BCAS3: variants seen among roughly 807,000 people sequenced by gnomAD.
The protein encoded by BCAS3 is BCAS4/BCAS3 fusion.
In BCAS3, 53 loss-of-function variants were observed where a neutral mutation model predicts 116.1. The observed-to-expected ratio is 0.46, with a 90% confidence interval of 0.37 to 0.57. The LOEUF (loss-of-function observed/expected upper bound fraction) is 0.57. Ranked by LOEUF, BCAS3 falls within the 20% of genes least tolerant of loss-of-function variation. The probability of loss-of-function intolerance (pLI) is 0.00; values close to 1 mark genes in which losing one functional copy is unlikely to be tolerated. For synonymous variants in BCAS3, 391 were observed against 408.2 expected (o/e 0.96, Z 0.51); for missense variants, 917 against 1,165.4 (o/e 0.79, Z 3.10).
chr17:60,949,747 A>G (rs978074399), intron 14 of BCAS3, among the ~76,000 whole-genome samples: 9 of 152,250 alleles, frequency 5.9e-5, no homozygotes, highest in African/African-American at 1.9e-4. Context: ...GAAATATACA[A>G]TAAATTATTG....
At chr17:60,765,296 T>C (rs1043244400) in intron 6 of BCAS3, among the ~76,000 whole-genome samples, 1 of 152,236 alleles carries the variant, frequency 6.6e-6, no homozygotes, top group African/African-American at 2.4e-5. Context: ...TGGCAGTCTT[T>C]ACAATTTGGC....
At chr17:61,121,744 T>C (rs890129929) in intron 22 of BCAS3, among the ~76,000 whole-genome samples, 1 of 152,250 alleles carries the variant, frequency 6.6e-6, no homozygotes, top group African/African-American at 2.4e-5. Context: ...TATGTGTGTG[T>C]GTGTGAGACG....
At chr17:61,329,488 C>G (rs1319844556) in intron 22 of BCAS3, among the ~76,000 whole-genome samples, 4 of 151,992 alleles carry the variant, frequency 2.6e-5, no homozygotes, top group Middle Eastern at 3.4e-3. Flanking sequence ...CTACAGGCGC[C>G]CGCCACCACG....
chr17:61,280,090 A>C (rs1418493568), intron 22 of BCAS3, among the ~76,000 whole-genome samples: 1 of 152,060 alleles, frequency 6.6e-6, no homozygotes, highest in Non-Finnish European at 1.5e-5. Context: ...AGTTTAAGGG[A>C]CCTCAGAACT....
rs75905389 is a variant in BCAS3 at position 61,331,995 on chromosome 17, G to A, written c.2426-36332G>A. Among the ~76,000 whole-genome samples the A allele has an allele frequency of 9.7e-4, 148 of 152,200 alleles. 1 individual carries two copies. In the East Asian group the frequency reaches 0.028, roughly 28 times the overall value. The stretch of plus-strand genomic sequence containing the variant: ...CTTTTTCCCTGTTTCATCCTGTGCT[G>A]GTCTGTCTCTTTTGCATGTTTGGGC... On this transcript the variant is annotated intron_variant, in intron 22 of 23. Coordinates refer to ENST00000407086, the MANE Select transcript of BCAS3 (RefSeq NM_017679.5).
chr17:60,812,527 A>G (rs1193271928), intron 7 of BCAS3, among the ~76,000 whole-genome samples: 2 of 152,170 alleles, frequency 1.3e-5, no homozygotes, highest in South Asian at 2.1e-4. Flanking sequence ...TTTTGTAACA[A>G]TATCTGTTTG....
Position 61,026,003 on chromosome 17 carries a change from G to T in BCAS3, c.1638-8663G>T, listed in dbSNP as rs991886921. On this transcript the variant is annotated intron_variant, in intron 16 of 23. Coordinates refer to ENST00000407086, the MANE Select transcript of BCAS3 (RefSeq NM_017679.5). The surrounding 1 kb of genome is among the most constrained non-coding windows in gnomAD (Gnocchi z 5.0). Reference sequence around the variant, plus strand: ...ACCAATGTGCTTTTCTCCTCCATTTGTTATGATTTCCAAATGTCAGATGTT... The same window carrying T: ...ACCAATGTGCTTTTCTCCTCCATTTTTTATGATTTCCAAATGTCAGATGTT... Among the ~76,000 whole-genome samples, 3 of 151,920 alleles carry T rather than the reference G, an allele frequency of 2.0e-5. No homozygotes were observed. Among genetic ancestry groups the T allele is most frequent in the African/African-American group, 7.3e-5 (3 of 41,334 alleles).
chr17:60,737,137 G>A lies in BCAS3; in HGVS notation c.322-10061G>A, dbSNP rs182479545. ...GTATTTTTAGTAGAGACAGTGTTTC[G>A]CCATGTTGGCCAGGCTGGTCTTGAA... On this transcript the variant is annotated intron_variant, in intron 5 of 23. Transcript: ENST00000407086. 4.9e-3 allele frequency among the ~76,000 whole-genome samples: 749 copies of A among 151,810 alleles called. 4 individuals are homozygous for A. The highest frequency in any genetic ancestry group is 0.017 in the African/African-American group (722 of 41,374).
intron 6 of BCAS3, among the ~76,000 whole-genome samples, chr17:60,782,715 A>G (rs2045938545): frequency 6.6e-6 from 1 of 151,818 alleles, no homozygotes; most frequent in Admixed American, 6.6e-5. Context: ...CCTCCAGAGT[A>G]GCTGGGGCTA....
chr17:61,295,538 G>T (rs2052809105), intron 22 of BCAS3, among the ~76,000 whole-genome samples: 1 of 152,218 alleles, frequency 6.6e-6, no homozygotes, highest in African/African-American at 2.4e-5. Context: ...AAGAGTGACA[G>T]TGCCTTCCTG....
rs146376389 is a variant in BCAS3 at position 61,261,206 on chromosome 17, C to T, written c.2426-107121C>T. On this transcript the variant is annotated intron_variant, in intron 22 of 23. Coordinates refer to ENST00000407086, the MANE Select transcript of BCAS3 (RefSeq NM_017679.5). This position sits in a 1 kb window ranked among gnomAD's most constrained non-coding sequence, Gnocchi z 4.4. ...ATTAGGGAAGTACCTCCCTGGGGAG[C>T]GGGTGGACAGGGAAAGAAGGTTTGA... Among the ~76,000 whole-genome samples, 52 of 152,256 alleles carry T rather than the reference C, an allele frequency of 3.4e-4. No homozygotes were observed. The highest frequency in any genetic ancestry group is 3.4e-3 in the Middle Eastern group (1 of 294).
intron 7 of BCAS3, among the ~76,000 whole-genome samples, chr17:60,861,786 A>G (rs2054180993): frequency 6.6e-6 from 1 of 152,198 alleles, no homozygotes; most frequent in Non-Finnish European, 1.5e-5. Flanking sequence ...ATGATGAATC[A>G]CATTTATTGT....
chr17:60,712,530 G>A (rs1050430992), intron 5 of BCAS3, among the ~76,000 whole-genome samples: 1 of 152,178 alleles, frequency 6.6e-6, no homozygotes, highest in African/African-American at 2.4e-5. Flanking sequence ...CTTTTAAGAG[G>A]TGGAACTAGA....
In BCAS3 at chr17:61,026,307, A is replaced by G. The variant is rs1224551739; in HGVS notation, c.1638-8359A>G. Among the ~76,000 whole-genome samples, 1 of 152,114 alleles carries G rather than the reference A, an allele frequency of 6.6e-6. No homozygotes were observed. Among genetic ancestry groups the G allele is most frequent in the Admixed American group, 6.6e-5 (1 of 15,264 alleles). Reference sequence around the variant, plus strand: ...TTATGGCCAAAAATAGAGAAAAATTATACTAGTTGTACTTAGTGTTTTTTC... The same window carrying G: ...TTATGGCCAAAAATAGAGAAAAATTGTACTAGTTGTACTTAGTGTTTTTTC... On this transcript the variant is annotated intron_variant, in intron 16 of 23. Transcript: ENST00000407086. This position sits in a 1 kb window ranked among gnomAD's most constrained non-coding sequence, Gnocchi z 5.0.
intron 22 of BCAS3, among the ~76,000 whole-genome samples, chr17:61,351,910 C>T (rs961260287): frequency 6.6e-6 from 1 of 152,230 alleles, no homozygotes; most frequent in African/African-American, 2.4e-5. Context: ...CATCAGAGGA[C>T]ATACAGCTCG....
intron 15 of BCAS3, among the ~76,000 whole-genome samples, chr17:60,992,977 A>C (rs2063625049): frequency 6.6e-6 from 1 of 152,240 alleles, no homozygotes; most frequent in Non-Finnish European, 1.5e-5. Context: ...GAGAAACCAC[A>C]GATGTATTAG....
chr17:60,680,855 C>T (rs2032977828), intron 2 of BCAS3, among the ~76,000 whole-genome samples: 1 of 152,120 alleles, frequency 6.6e-6, no homozygotes, highest in Non-Finnish European at 1.5e-5. Flanking sequence ...GCCATTTGGC[C>T]AGGCTGGTCT....
At chr17:61,187,255 G>T (rs1440122165) in intron 22 of BCAS3, among the ~76,000 whole-genome samples, 2 of 152,174 alleles carry the variant, frequency 1.3e-5, no homozygotes, top group Non-Finnish European at 2.9e-5. Flanking sequence ...AATACTCTCA[G>T]CATGAGGCTT....
chr17:61,293,727 A>G (rs925736514), intron 22 of BCAS3, among the ~76,000 whole-genome samples: 2 of 152,090 alleles, frequency 1.3e-5, no homozygotes, highest in African/African-American at 4.8e-5. Context: ...TCATATCCTT[A>G]AGTTCCATTA....
Sources: allele counts gnomAD v4.1 joint callset (sites outside exome capture counted in the v4.1 genomes callset), GRCh38; gene constraint gnomAD v4.1.1; non-coding constraint Gnocchi (gnomAD v3.1); transcripts MANE v1.5; gene names NCBI Gene and HGNC (gene_info 2026-07-23, HGNC 2026-07-21).